The following CHMP7 variants were observed in gnomAD, a reference collection of about 807,000 sequenced individuals.
CHMP7 encodes CHMP family, member 7.
In CHMP7, 15 loss-of-function variants were observed where a neutral mutation model predicts 53.7. The ratio of observed to expected loss-of-function variants is 0.28; its 90% CI spans 0.19 to 0.43. The LOEUF (loss-of-function observed/expected upper bound fraction) is 0.43, where lower values mean the gene tolerates loss of function less well. CHMP7 is among the 20% of genes least tolerant of loss of function. The pLI is 1.00. For synonymous variants in CHMP7, 261 were observed against 228.0 expected (o/e 1.14, Z -1.30); for missense variants, 527 against 569.4 (o/e 0.93, Z 0.76).
intron 3 of CHMP7, 83 bp from the exon 4 acceptor site, chr8:23,255,164 C>G (rs754081160): frequency 1.3e-5 from 18 of 1,439,746 alleles, no homozygotes; most frequent in Non-Finnish European, 1.5e-5. Flanking sequence ...CTTGTGTGAT[C>G]ATGGTTTTGA....
chr8:23,258,881 C>T, intron 8 of CHMP7, 51 bp downstream of exon 8: 3 of 1,303,234 alleles, frequency 2.3e-6, no homozygotes, highest in Non-Finnish European at 3.3e-6. Context: ...TGACAGAGGA[C>T]AGATTTGACT....
chr8:23,256,697 T>TC (rs1027054535), intron 5 of CHMP7, 104 bp downstream of exon 5: 4 of 913,198 alleles, frequency 4.4e-6, no homozygotes, highest in Non-Finnish European at 4.8e-6. Context: ...TGGGTTTTTT[T>TC]TTTTTTTAGC....
rs1320675643 is a variant in CHMP7 at position 23,258,393 on chromosome 8, C to G, written c.904C>G (p.Leu302Val). ...EKRIEALHAK[L>V]DTVQGILDRI... ...GCGCATCGAGGCCTTGCATGCCAAGCTGGACACTGTTCAAGGCATCCTGGA... is the reference window on the plus strand; with the variant it reads ...GCGCATCGAGGCCTTGCATGCCAAGGTGGACACTGTTCAAGGCATCCTGGA... The change falls in exon 7 of 11, where the codon CTG (leucine) becomes GTG (valine). Residue 302 changes from leucine (L) to valine (V), a missense_variant. Transcript: ENST00000397677. 3.1e-6 allele frequency: 5 copies of G among 1,613,994 alleles called. No homozygotes were observed. Among genetic ancestry groups the G allele is most frequent in the Non-Finnish European group, 4.2e-6 (5 of 1,180,022 alleles).
chr8:23,258,870 G>A, intron 8 of CHMP7, 40 bp downstream of exon 8: 4 of 1,400,156 alleles, frequency 2.9e-6, no homozygotes, highest in Non-Finnish European at 4.1e-6. Flanking sequence ...AGAGAAGGAG[G>A]TGACAGAGGA....
chr8:23,246,445 CCGTGGG>C lies in CHMP7; in HGVS notation c.-250_-245del. The C allele has an allele frequency of 5.6e-6, 3 of 540,242 alleles. No individual in the cohort carries two copies. Among genetic ancestry groups the C allele is most frequent in the Non-Finnish European group, 9.9e-6 (3 of 304,252 alleles). The allele number at this position is 540,242 out of a possible 1,614,324, so 33.5% of individuals were successfully genotyped here. A position where few individuals can be genotyped will look rare whatever the true frequency, so the allele number is the denominator to read the frequency against. ...GCAAGCCTTTCTTTCGGCACAAAGA[CCGTGGG>C]AGGAGGGGTCGGCGCAAGCGCTCGG... On this transcript the variant is annotated 5_prime_UTR_variant, in exon 2 of 11. Coordinates refer to ENST00000397677, the MANE Select transcript of CHMP7 (RefSeq NM_152272.5).
chr8:23,247,008 TG>T lies in CHMP7; in HGVS notation c.299+18del. 1.3e-6 allele frequency: 2 copies of T among 1,482,908 alleles called. No homozygotes were observed. The highest frequency in any genetic ancestry group is 1.3e-5 in the South Asian group (1 of 76,312). 91.9% of individuals were successfully genotyped at this position (1,482,908 alleles called of 1,614,324 possible). ...GGACCTGCTGCGGTGAGGGGCGGGC[TG>T]GGGCCAGGGCCGCGAGGGCGGGCGG... On this transcript the variant is annotated intron_variant, in intron 2 of 10. Transcript: ENST00000397677.
chr8:23,246,505 T>C lies in CHMP7; in HGVS notation c.-191T>C. ...CTCTCTGAAAAGAACTTCATCATAC[T>C]GCCTCCTGGCTGACGGAGCGCAGCG... On this transcript the variant is annotated 5_prime_UTR_variant, in exon 2 of 11. Transcript: ENST00000397677. The C allele has an allele frequency of 1.7e-6, 1 of 599,092 alleles. No homozygotes were observed. Among genetic ancestry groups the C allele is most frequent in the Non-Finnish European group, 2.9e-6 (1 of 339,244 alleles). The allele number at this position is 599,092 out of a possible 1,614,324, so 37.1% of individuals were successfully genotyped here.
rs955775027 is a variant in CHMP7, at chr8:23,246,483, T to C, written c.-213T>C. 2.4e-5 allele frequency: 13 copies of C among 548,544 alleles called. No homozygotes were observed. The highest frequency in any genetic ancestry group is 4.2e-5 in the Non-Finnish European group (13 of 309,652). 34.0% of individuals were successfully genotyped at this position (548,544 alleles called of 1,614,324 possible). ...GGTCGGCGCAAGCGCTCGGTGTCTC[T>C]CTGAAAAGAACTTCATCATACTGCC... On this transcript the variant is annotated 5_prime_UTR_variant, in exon 2 of 11. Transcript: ENST00000397677.
intron 3 of CHMP7, 175 bp from the exon 4 acceptor site, chr8:23,255,072 A>G (rs1301835363): frequency 4.6e-6 from 3 of 650,786 alleles, no homozygotes; most frequent in Non-Finnish European, 5.3e-6. Context: ...CTTTCCTCCA[A>G]GGCTTAAAAA....
At chr8:23,258,499 T>C in intron 7 of CHMP7, 50 bp downstream of exon 7, 1 of 1,606,708 alleles carries the variant, frequency 6.2e-7, no homozygotes, top group East Asian at 2.2e-5. Context: ...CCGTGTGTGT[T>C]GGTCACTTGC....
intron 3 of CHMP7, among the ~76,000 whole-genome samples, chr8:23,249,732 C>T (rs1379903370): frequency 1.3e-5 from 2 of 152,134 alleles, no homozygotes; most frequent in Non-Finnish European, 2.9e-5. Flanking sequence ...TCAGCATTGC[C>T]ACCTCTAAAC....
chr8:23,254,747 G>GTT lies in CHMP7; in HGVS notation c.472-498_472-497dup, dbSNP rs1287834804. 3.0e-5 allele frequency: 6 copies of GTT among 198,058 alleles called. No individual in the cohort carries two copies. The East Asian group carries it at 6.9e-4, about 23-fold the overall frequency. 12.3% of individuals were successfully genotyped at this position (198,058 alleles called of 1,614,324 possible). A position where few individuals can be genotyped will look rare whatever the true frequency, so the allele number is the denominator to read the frequency against. On this transcript the variant is annotated intron_variant, in intron 3 of 10. Transcript: ENST00000397677. ...TTTTTACAGAGTCAATAATGTTTGT[G>GTT]TTTGCAGTATAGCCAATTGGCAGGA...
intron 10 of CHMP7, 98 bp from the exon 11 acceptor site, chr8:23,260,440 A>AG (rs1380448658): frequency 1.3e-6 from 2 of 1,509,032 alleles, no homozygotes; most frequent in African/African-American, 2.8e-5. Flanking sequence ...TAGGGAGTTG[A>AG]GGGTTGTTTA....
chr8:23,258,591 T>C, intron 7 of CHMP7, 141 bp from the exon 8 acceptor site: 1 of 1,289,002 alleles, frequency 7.8e-7, no homozygotes. Flanking sequence ...AGTCAGGAGG[T>C]TTGGCCTCGG....
chr8:23,249,631 G>A (rs1487004068), intron 3 of CHMP7, among the ~76,000 whole-genome samples: 6 of 152,150 alleles, frequency 3.9e-5, no homozygotes, highest in Non-Finnish European at 7.3e-5. Context: ...GTATCTGTAG[G>A]GATTAATGTT....
intron 1 of CHMP7, among the ~76,000 whole-genome samples, chr8:23,245,864 T>C (rs1563398856): frequency 6.6e-6 from 1 of 152,250 alleles, no homozygotes; most frequent in East Asian, 1.9e-4. Flanking sequence ...TTTCAAGAAA[T>C]GTGTCCATTT....
At position 23,260,926 on chromosome 8, in the gene CHMP7, C is replaced by T. The variant is rs1349236677; in HGVS notation, c.*327C>T. The T allele has an allele frequency of 3.3e-5, 12 of 362,388 alleles. No homozygotes were observed. Among genetic ancestry groups the T allele is most frequent in the Non-Finnish European group, 5.5e-5 (11 of 199,442 alleles). The allele number at this position is 362,388 out of a possible 1,614,324, so 22.4% of individuals were successfully genotyped here. On this transcript the variant is annotated 3_prime_UTR_variant, in exon 11 of 11. Transcript: ENST00000397677. ...TTTGTCTTCACCCACCAGCTTCGTT[C>T]CAGCCCATGAAGGGGAAAGATTTGC...
chr8:23,253,255 A>G (rs1261413235), intron 3 of CHMP7, among the ~76,000 whole-genome samples: 1 of 152,212 alleles, frequency 6.6e-6, no homozygotes, highest in Non-Finnish European at 1.5e-5. Context: ...TAGGTTGTAT[A>G]CATAATCTTG....
intron 2 of CHMP7, 48 bp downstream of exon 2, chr8:23,247,042 T>A: frequency 6.9e-7 from 1 of 1,451,110 alleles, no homozygotes; most frequent in Non-Finnish European, 9.0e-7. Context: ...CGGGGGCAGC[T>A]CTCGGAGGGC....
Sources: gnomAD v4.1 joint callset for allele counts (sites outside exome capture counted in the v4.1 genomes callset) on GRCh38, gnomAD v4.1.1 for gene constraint, MANE v1.5 for transcripts, NCBI Gene and HGNC (gene_info 2026-07-23, HGNC 2026-07-21) for gene names.